UPP2: variants seen among roughly 807,000 people sequenced by gnomAD.
UPP2 encodes the protein UPase 2.
Under a neutral mutation model 26.7 loss-of-function variants are expected in UPP2, and 23 were observed. That is an observed-to-expected ratio of 0.86 (90% confidence interval 0.62 to 1.22). The LOEUF (loss-of-function observed/expected upper bound fraction) is 1.22. UPP2 is among the 50% of genes most tolerant of loss of function. The probability of loss-of-function intolerance (pLI) is 0.00; values close to 1 mark genes in which losing one functional copy is unlikely to be tolerated. For synonymous variants in UPP2, 127 were observed against 141.3 expected, an observed-to-expected ratio of 0.90 and a Z score of 0.72; for missense variants, 387 against 396.7, an observed-to-expected ratio of 0.98 and a Z score of 0.21.
chr2:158,111,175 T>A (rs1683312074), intron 2 of UPP2, among the ~76,000 whole-genome samples: 2 of 152,176 alleles, frequency 1.3e-5, no homozygotes, highest in African/African-American at 4.8e-5. Context: ...TCCCTTTCCA[T>A]AAGTTCTATG....
In UPP2 at chr2:158,032,541, T is replaced by C. The variant is rs141272847; in HGVS notation, c.147+16655T>C. 6.2e-4 allele frequency among the ~76,000 whole-genome samples: 95 copies of C among 152,182 alleles called. No individual in the cohort carries two copies. In the East Asian group the frequency reaches 0.015, roughly 23 times the overall value. On this transcript the variant is annotated intron_variant, in intron 3 of 9. Coordinates refer to the UPP2 transcript ENST00000605860. ...TAAGAGCTGTGGGTGGTGAGGGCAG[T>C]GGCAGAGGAGGGCTTCATTAGGAGG...
At chr2:158,102,619 G>A (rs1420914180) in intron 1 of UPP2, among the ~76,000 whole-genome samples, 1 of 152,112 alleles carries the variant, frequency 6.6e-6, no homozygotes, top group Non-Finnish European at 1.5e-5. Flanking sequence ...TCATCTCATG[G>A]GTAGATATAA....
At chr2:158,099,128 G>A (rs145743361), upstream of UPP2, among the ~76,000 whole-genome samples, 777 of 152,222 alleles carry the variant, frequency 5.1e-3, 7 homozygotes, top group African/African-American at 0.018. Flanking sequence ...GGTAACTTGC[G>A]TTTTCTTTAT....
chr2:158,031,087 T>C (rs374267921), intron 3 of UPP2, among the ~76,000 whole-genome samples: 1 of 152,108 alleles, frequency 6.6e-6, no homozygotes. Context: ...GGCAGCAAAA[T>C]ATTAAAATTA....
intron 3 of UPP2, among the ~76,000 whole-genome samples, chr2:158,080,419 T>C (rs1344058549): frequency 1.3e-5 from 2 of 152,152 alleles, no homozygotes; most frequent in South Asian, 2.1e-4. Context: ...GTCTACCATT[T>C]TGAAACAAAA....
Position 158,134,856 on chromosome 2 carries a change from A to G in UPP2, c.920A>G (p.Asn307Ser), listed in dbSNP as rs752367511. ...YQQRPQLLISNFIRRRLGLCD is the reference protein window; with the variant it reads ...YQQRPQLLISSFIRRRLGLCD ...CAACGGCCTCAGCTCCTAATCTCCA[A>G]CTTCATCAGACGGCGGCTTGGACTT... is the stretch of plus-strand genomic sequence containing the variant. The change falls in exon 7 of 7, where the codon AAC becomes AGC. Residue 307 changes from asparagine to serine, a missense_variant. By Grantham distance (46) the Asn-to-Ser change is conservative. Coordinates refer to ENST00000005756, the MANE Select transcript of UPP2 (RefSeq NM_173355.4). 6.2e-7 allele frequency: 1 copy of G among 1,613,604 alleles called. No individual in the cohort carries two copies. Among genetic ancestry groups the G allele is most frequent in the Admixed American group, 1.7e-5 (1 of 59,940 alleles).
At chr2:158,129,579 C>T (rs952413845) in intron 6 of UPP2, among the ~76,000 whole-genome samples, 2 of 151,900 alleles carry the variant, frequency 1.3e-5, no homozygotes, top group Admixed American at 1.3e-4. Flanking sequence ...ACCACTCTCT[C>T]CACTATTCCA....
chr2:158,098,440 A>T (rs1380721236), upstream of UPP2, among the ~76,000 whole-genome samples: 1 of 152,116 alleles, frequency 6.6e-6, no homozygotes, highest in Non-Finnish European at 1.5e-5. Context: ...GGCCAGCATA[A>T]TGCTCCCTTA....
At chr2:158,127,581 CCTAA>C (rs1458921911) in intron 6 of UPP2, among the ~76,000 whole-genome samples, 1 of 152,178 alleles carries the variant, frequency 6.6e-6, no homozygotes, top group African/African-American at 2.4e-5. Flanking sequence ...AGGAGTATCT[CCTAA>C]CTGTCCACAA....
intron 2 of UPP2, among the ~76,000 whole-genome samples, chr2:158,108,091 C>T (rs1007471550): frequency 3.9e-5 from 6 of 152,180 alleles, no homozygotes; most frequent in Non-Finnish European, 5.9e-5. Context: ...CTAAGGCACA[C>T]AGCTGGTTAA....
chr2:158,002,100 C>A (rs532141807), intron 2 of UPP2, among the ~76,000 whole-genome samples: 2 of 151,852 alleles, frequency 1.3e-5, no homozygotes, highest in Non-Finnish European at 2.9e-5. Context: ...AAATTCACCT[C>A]ATTTTTCAAA....
At chr2:158,020,953 A>G (rs761384643) in intron 3 of UPP2, among the ~76,000 whole-genome samples, 1 of 152,250 alleles carries the variant, frequency 6.6e-6, no homozygotes, top group Non-Finnish European at 1.5e-5. Flanking sequence ...GGCTTCAGAG[A>G]AAGTAAAGAA....
At chr2:158,005,242 C>T (rs1048716546) in intron 2 of UPP2, among the ~76,000 whole-genome samples, 1 of 152,192 alleles carries the variant, frequency 6.6e-6, no homozygotes, top group African/African-American at 2.4e-5. Context: ...TTCCAGGCAG[C>T]TTTTTCCAGA....
intron 2 of UPP2, chr2:158,015,653 G>A (rs552092802): frequency 2.6e-6 from 1 of 384,614 alleles, no homozygotes; most frequent in Admixed American, 2.8e-5. Context: ...GTCAGGGGAG[G>A]GGCCTGGCGG....
At chr2:158,108,887 C>T (rs866754946) in intron 2 of UPP2, among the ~76,000 whole-genome samples, 29 of 133,126 alleles carry the variant, frequency 2.2e-4, no homozygotes, top group African/African-American at 7.9e-4. Context: ...GAGGCAAAAG[C>T]GTGTGTGTGT....
Position 158,102,955 on chromosome 2 carries a change from A to G in UPP2, c.62+830A>G, listed in dbSNP as rs1246027160. 2.0e-5 allele frequency among the ~76,000 whole-genome samples: 3 copies of G among 152,234 alleles called. No individual in the cohort carries two copies. The East Asian group carries it at 5.8e-4, about 29-fold the overall frequency. ...AGCCAGCACTTTCTTTTGGTTACCA[A>G]TATTTAATACTCATCATGTAGTGTA... On this transcript the variant is annotated intron_variant, in intron 1 of 6. Coordinates refer to ENST00000005756, the MANE Select transcript of UPP2 (RefSeq NM_173355.4).
chr2:158,068,790 ATATATATATATATT>A (rs1682483170), intron 3 of UPP2, among the ~76,000 whole-genome samples: 1 of 17,158 alleles, frequency 5.8e-5, no homozygotes, highest in Non-Finnish European at 1.1e-4. Flanking sequence ...ATATATATAT[ATATATATATATATT>A]TTTTTTTTTT....
chr2:158,064,948 A>G (rs1315076367), intron 3 of UPP2, among the ~76,000 whole-genome samples: 1 of 152,056 alleles, frequency 6.6e-6, no homozygotes, highest in African/African-American at 2.4e-5. Context: ...TGGTCTATAT[A>G]TCTGTTTTGG....
intron 3 of UPP2, among the ~76,000 whole-genome samples, chr2:158,029,210 T>C (rs1181515603): frequency 1.3e-5 from 2 of 152,210 alleles, no homozygotes; most frequent in Non-Finnish European, 1.5e-5. Context: ...AAATATCTAG[T>C]TTAAACTAAT....
Sources: gnomAD v4.1 joint callset for allele counts (sites outside exome capture counted in the v4.1 genomes callset) on GRCh38, gnomAD v4.1.1 for gene constraint, MANE v1.5 for transcripts, NCBI Gene and HGNC (gene_info 2026-07-23, HGNC 2026-07-21) for gene names.